The following RTF1 variants were observed in gnomAD, a reference collection of about 807,000 sequenced individuals.
RTF1 encodes RTF1 homolog, Paf1/RNA polymerase II complex component.
In RTF1, 10 loss-of-function variants were observed where a neutral mutation model predicts 95.7. The ratio of observed to expected loss-of-function variants is 0.10; its 90% confidence interval spans 0.06 to 0.18. The LOEUF (loss-of-function observed/expected upper bound fraction) is 0.18. RTF1 is among the 10% of genes least tolerant of loss of function. The pLI is 1.00. For missense variants in RTF1, 458 were observed against 875.6 expected (o/e 0.52, Z 6.02); for synonymous variants, 305 against 311.8 (o/e 0.98, Z 0.23).
intron 1 of RTF1, among the ~76,000 whole-genome samples, chr15:41,435,434 C>T (rs1186437246): frequency 6.6e-6 from 1 of 151,674 alleles, no homozygotes. Flanking sequence ...CTTGGCCTCC[C>T]AAAGTGTTGG....
At chr15:41,453,773 G>A (rs1196673334) in intron 3 of RTF1, among the ~76,000 whole-genome samples, 1 of 151,420 alleles carries the variant, frequency 6.6e-6, no homozygotes, top group Non-Finnish European at 1.5e-5. Context: ...CAGGGACACT[G>A]GAAGAGAAAA....
At chr15:41,431,346 C>G (rs2050671593) in intron 1 of RTF1, among the ~76,000 whole-genome samples, 1 of 151,440 alleles carries the variant, frequency 6.6e-6, no homozygotes, top group African/African-American at 2.4e-5. Context: ...TCCCAAGTAG[C>G]TGGGATTACA....
intron 3 of RTF1, 105 bp from the exon 4 acceptor site, chr15:41,457,567 T>C (rs2050825610): frequency 1.0e-6 from 1 of 990,258 alleles, no homozygotes; most frequent in Admixed American, 2.1e-5. Flanking sequence ...ACAAACTGGT[T>C]TCTTACTGTA....
intron 1 of RTF1, among the ~76,000 whole-genome samples, chr15:41,433,663 G>A (rs1168047215): frequency 6.6e-6 from 1 of 151,770 alleles, no homozygotes; most frequent in East Asian, 1.9e-4. Context: ...AAGTAATATG[G>A]GAAAAAAGGT....
At chr15:41,447,237 A>G (rs1387525512) in intron 2 of RTF1, among the ~76,000 whole-genome samples, 1 of 152,166 alleles carries the variant, frequency 6.6e-6, no homozygotes, top group Non-Finnish European at 1.5e-5. Flanking sequence ...CTTGCTCATT[A>G]GAGATAATTT....
At chr15:41,455,339 T>C (rs2050807833) in intron 3 of RTF1, among the ~76,000 whole-genome samples, 2 of 150,676 alleles carry the variant, frequency 1.3e-5, no homozygotes, top group Admixed American at 1.3e-4. Context: ...AAAATGTGTA[T>C]GTATGCCATG....
At chr15:41,457,371 T>C (rs1437638763) in intron 3 of RTF1, among the ~76,000 whole-genome samples, 1 of 151,716 alleles carries the variant, frequency 6.6e-6, no homozygotes, top group Non-Finnish European at 1.5e-5. Context: ...CCGTCTCCAA[T>C]AAAAATACAA....
At chr15:41,436,570 G>A (rs2050704087) in intron 1 of RTF1, among the ~76,000 whole-genome samples, 1 of 147,242 alleles carries the variant, frequency 6.8e-6, no homozygotes. Flanking sequence ...CTTGCAGTAA[G>A]CCGAGATCAC....
Position 41,474,559 on chromosome 15 carries a change from A to G in RTF1, c.1204-61A>G. 11 of 1,130,940 alleles carry G rather than the reference A, an allele frequency of 9.7e-6. No homozygotes were observed. The South Asian group carries it at 1.1e-4, about 11-fold the overall frequency. 70.1% of individuals were successfully genotyped at this position (1,130,940 alleles called of 1,614,324 possible). ...TTCAGGTAGAGAGACGCAAAGGAAG[A>G]GTGTTGTGGAAAGCTCCGGAAGAGT... On this transcript the variant is annotated intron_variant, in intron 8 of 17. Transcript: ENST00000389629.
At chr15:41,423,543 AT>A (rs1327823736) in intron 1 of RTF1, among the ~76,000 whole-genome samples, 2 of 151,338 alleles carry the variant, frequency 1.3e-5, no homozygotes, top group Non-Finnish European at 2.9e-5. Context: ...CTAATTTTAC[AT>A]TTTTATTAGA....
In RTF1 at chr15:41,438,315, C is replaced by T. The variant is rs1271984047; in HGVS notation, c.199-6C>T. 6.5e-7 allele frequency: 1 copy of T among 1,543,756 alleles called. No individual in the cohort carries two copies. On this transcript the variant is annotated splice_region_variant and splice_polypyrimidine_tract_variant and intron_variant, in intron 1 of 17. Coordinates refer to ENST00000389629, the MANE Select transcript of RTF1 (RefSeq NM_015138.5). ...AAAACTGATGTGCCTATTTTTGTCC[C>T]ATTAGGAGCTCTTGTCCCTGGCAAA...
At chr15:41,458,706 G>A (rs530803696) in intron 4 of RTF1, among the ~76,000 whole-genome samples, 11 of 151,876 alleles carry the variant, frequency 7.2e-5, no homozygotes, top group Admixed American at 2.6e-4. Flanking sequence ...CTGAGATGGC[G>A]CCACTGCACT....
At chr15:41,445,441 A>G (rs758376026) in intron 2 of RTF1, among the ~76,000 whole-genome samples, 1 of 152,098 alleles carries the variant, frequency 6.6e-6, no homozygotes, top group Non-Finnish European at 1.5e-5. Flanking sequence ...TATATTGTTC[A>G]TTTTTTGGTA....
intron 2 of RTF1, among the ~76,000 whole-genome samples, chr15:41,446,418 T>A (rs1386694594): frequency 1.3e-5 from 2 of 151,862 alleles, no homozygotes; most frequent in Non-Finnish European, 2.9e-5. Flanking sequence ...TACAAAAAAT[T>A]AGCCAGGCGT....
intron 3 of RTF1, among the ~76,000 whole-genome samples, chr15:41,453,632 C>A (rs114632829): frequency 4.0e-5 from 6 of 151,266 alleles, no homozygotes; most frequent in Non-Finnish European, 7.4e-5. Context: ...GAGGCTGAGG[C>A]GAGAGGCTTG....
At chr15:41,475,438 A>G in intron 9 of RTF1, 87 bp from the exon 10 acceptor site, 1 of 969,186 alleles carries the variant, frequency 1.0e-6, no homozygotes, top group Non-Finnish European at 1.7e-6. Flanking sequence ...AGGTATATAT[A>G]GGTGGTACAT....
chr15:41,437,507 AAAAAG>A (rs777940915), intron 1 of RTF1, among the ~76,000 whole-genome samples: 41 of 152,298 alleles, frequency 2.7e-4, no homozygotes, highest in Non-Finnish European at 4.1e-4. Context: ...AAAAAAAAGA[AAAAAG>A]AAAAGTATCT....
chr15:41,460,594 A>G (rs530425486), intron 4 of RTF1, among the ~76,000 whole-genome samples: 4 of 152,302 alleles, frequency 2.6e-5, no homozygotes, highest in South Asian at 2.1e-4. Flanking sequence ...CAAAATCACA[A>G]AGTAGCTCAA....
intron 3 of RTF1, among the ~76,000 whole-genome samples, chr15:41,457,451 T>C (rs1189132318): frequency 4.0e-5 from 6 of 151,780 alleles, no homozygotes; most frequent in Non-Finnish European, 5.9e-5. Context: ...GAGAATCGCT[T>C]GAACCCGGGA....
Sources: gnomAD v4.1 joint callset for allele counts (sites outside exome capture counted in the v4.1 genomes callset) on GRCh38, gnomAD v4.1.1 for gene constraint, MANE v1.5 for transcripts, NCBI Gene and HGNC (gene_info 2026-07-23, HGNC 2026-07-21) for gene names.